Variants in IFFO2 observed in about 807,000 individuals in gnomAD.
The protein encoded by IFFO2 is intermediate filament family orphan 2.
In IFFO2, 19 loss-of-function variants were observed where a neutral mutation model predicts 53.5. The observed-to-expected ratio is 0.36, with a 90% CI of 0.25 to 0.52. The LOEUF is 0.52. Ranked by LOEUF, IFFO2 falls within the 20% of genes least tolerant of loss-of-function variation. The pLI is 0.94. For missense variants in IFFO2, 570 were observed against 727.4 expected, an observed-to-expected ratio of 0.78 and a Z score of 2.49; for synonymous variants, 303 against 313.6, an observed-to-expected ratio of 0.97 and a Z score of 0.36.
intron 1 of IFFO2, among the ~76,000 whole-genome samples, chr1:18,938,931 C>T (rs1219165939): frequency 6.6e-6 from 1 of 152,222 alleles, no homozygotes; most frequent in African/African-American, 2.4e-5. Flanking sequence ...CCCCAGGGGC[C>T]GGGACACCAG....
At position 18,917,532 on chromosome 1, in the gene IFFO2, G is replaced by C. The variant is rs1407618811; in HGVS notation, c.964-490C>G. 6.6e-6 allele frequency among the ~76,000 whole-genome samples: 1 copy of C among 152,196 alleles called. No individual in the cohort carries two copies. Among genetic ancestry groups the C allele is most frequent in the African/African-American group, 2.4e-5 (1 of 41,450 alleles). On this transcript the variant is annotated intron_variant, in intron 4 of 8. Transcript: ENST00000455833. The surrounding 1 kb of genome is among the most constrained non-coding windows in gnomAD (Gnocchi z 5.9). ...GCAGACAAGCCACGAGCAAACGAAG[G>C]CTGCGTTGGCCTCCCCTGCTTCCCG...
intron 7 of IFFO2, 37 bp from the exon 8 acceptor site, chr1:18,910,509 G>A (rs759525567): frequency 1.9e-6 from 3 of 1,584,408 alleles, no homozygotes; most frequent in Non-Finnish European, 2.6e-6. Flanking sequence ...GTGAGGGCAA[G>A]TCATCCTCGT....
chr1:18,938,988 C>T (rs1288888052), intron 1 of IFFO2, among the ~76,000 whole-genome samples: 1 of 152,218 alleles, frequency 6.6e-6, no homozygotes, highest in Non-Finnish European at 1.5e-5. Flanking sequence ...CCCTTCTTGC[C>T]CCAGCCACAG....
intron 1 of IFFO2, among the ~76,000 whole-genome samples, chr1:18,925,070 CCTT>C (rs988601772): frequency 4.6e-5 from 7 of 152,154 alleles, no homozygotes; most frequent in African/African-American, 1.7e-4. Context: ...ACTTCCAAAT[CCTT>C]CTCTTTTCTA....
In IFFO2 at chr1:18,947,992, G is replaced by A. The variant is rs539218360; in HGVS notation, c.665+7676C>T. The stretch of plus-strand genomic sequence containing the variant: ...GACCTTGGGGTCCAGAGACCCAGAC[G>A]GACTCGTGGCGAGATCTGGGACAGA... On this transcript the variant is annotated intron_variant, in intron 1 of 8. Coordinates refer to ENST00000455833, the MANE Select transcript of IFFO2 (RefSeq NM_001136265.2). The surrounding 1 kb of genome is among the most constrained non-coding windows in gnomAD (Gnocchi z 5.0). Among the ~76,000 whole-genome samples the A allele has an allele frequency of 4.6e-5, 7 of 152,266 alleles. No homozygotes were observed. The highest frequency in any genetic ancestry group is 7.4e-5 in the Non-Finnish European group (5 of 68,018).
chr1:18,952,329 C>T (rs1240922630), intron 1 of IFFO2, among the ~76,000 whole-genome samples: 1 of 152,154 alleles, frequency 6.6e-6, no homozygotes, highest in Non-Finnish European at 1.5e-5. Flanking sequence ...TGACTGGGGC[C>T]AGGACCCAGG....
chr1:18,946,704 A>G (rs1936593173), intron 1 of IFFO2, among the ~76,000 whole-genome samples: 1 of 150,824 alleles, frequency 6.6e-6, no homozygotes, highest in African/African-American at 2.4e-5. Context: ...GGCATGAGCT[A>G]CCGCACCGGG....
Position 18,956,072 on chromosome 1 carries a change from C to A in IFFO2, c.261G>T (p.Gln87His). 6.7e-7 allele frequency: 1 copy of A among 1,489,262 alleles called. No individual in the cohort carries two copies. The highest frequency in any genetic ancestry group is 9.0e-7 in the Non-Finnish European group (1 of 1,109,778). The allele number at this position is 1,489,262 out of a possible 1,614,324, so 92.3% of individuals were successfully genotyped here. Residue 87 changes from glutamine (Q) to histidine (H), a missense_variant, in exon 1 of 9, where the codon CAG becomes CAT. Coordinates refer to ENST00000455833, the MANE Select transcript of IFFO2 (RefSeq NM_001136265.2). This position sits in a 1 kb window ranked among gnomAD's most constrained non-coding sequence, Gnocchi z 6.4. ...RNRLLEKQLE[Q>H]QQSERERRLR... is the part of the protein sequence containing the mutation. ...GCCGCCGCTCGCGCTCGCTCTGCTG[C>A]TGCTCCAGCTGCTTCTCCAGCAGCC...
chr1:18,915,295 A>C (rs993750550), intron 5 of IFFO2, among the ~76,000 whole-genome samples: 1 of 152,304 alleles, frequency 6.6e-6, no homozygotes, highest in East Asian at 1.9e-4. Flanking sequence ...CTTTTGAAAC[A>C]AATGATGTCA....
intron 5 of IFFO2, among the ~76,000 whole-genome samples, chr1:18,915,981 C>G (rs762963215): frequency 6.6e-6 from 1 of 151,996 alleles, no homozygotes; most frequent in Non-Finnish European, 1.5e-5. Flanking sequence ...AAAAATTAGC[C>G]GGGCATCATG....
intron 1 of IFFO2, among the ~76,000 whole-genome samples, chr1:18,924,009 G>T (rs1936249346): frequency 6.6e-6 from 1 of 152,206 alleles, no homozygotes; most frequent in Non-Finnish European, 1.5e-5. Context: ...TATTTCCAAA[G>T]CCAGACGGGG....
intron 1 of IFFO2, among the ~76,000 whole-genome samples, chr1:18,931,298 C>G (rs1006080219): frequency 6.6e-6 from 1 of 152,174 alleles, no homozygotes; most frequent in East Asian, 1.9e-4. Context: ...GTGGGCACTC[C>G]CCCTACCCCT....
Position 18,956,283 on chromosome 1 carries a change from G to A in IFFO2, c.50C>T (p.Pro17Leu). 1.3e-6 allele frequency: 1 copy of A among 779,668 alleles called. No homozygotes were observed. Among genetic ancestry groups the A allele is most frequent in the Non-Finnish European group, 1.6e-6 (1 of 617,302 alleles). 48.3% of individuals were successfully genotyped at this position (779,668 alleles called of 1,614,324 possible). The change falls in exon 1 of 9, where the codon CCG becomes CTG. Residue 17 changes from proline (P) to leucine (L), a missense_variant. Physicochemically the swap from Pro to Leu is moderately conservative, Grantham distance 98. Coordinates refer to ENST00000455833, the MANE Select transcript of IFFO2 (RefSeq NM_001136265.2). The surrounding 1 kb of genome is among the most constrained non-coding windows in gnomAD (Gnocchi z 6.4). ...FGEMALAFGC[P>L]PGGGGGGCPG... ...GCAGCCCCCGCCGCCGCCGCCCGGCGGGCAGCCGAAGGCCAAGGCCATCTC... is the reference window on the plus strand; with the variant it reads ...GCAGCCCCCGCCGCCGCCGCCCGGCAGGCAGCCGAAGGCCAAGGCCATCTC...
At chr1:18,952,085 A>G (rs1569870101) in intron 1 of IFFO2, among the ~76,000 whole-genome samples, 1 of 152,236 alleles carries the variant, frequency 6.6e-6, no homozygotes, top group Non-Finnish European at 1.5e-5. Context: ...ATGCCAACTC[A>G]GGGAACTCTC....
intron 1 of IFFO2, among the ~76,000 whole-genome samples, chr1:18,940,592 G>A (rs1936507419): frequency 6.6e-6 from 1 of 151,868 alleles, no homozygotes; most frequent in African/African-American, 2.4e-5. Flanking sequence ...TGGATGGATG[G>A]ATGGATGGAT....
At chr1:18,943,715 C>T (rs539441942) in intron 1 of IFFO2, among the ~76,000 whole-genome samples, 16 of 152,240 alleles carry the variant, frequency 1.1e-4, no homozygotes, top group Non-Finnish European at 2.4e-4. Context: ...GAAGGCAGAT[C>T]AGTGTCAGCA....
rs1935986843 is a variant in IFFO2 at position 18,908,621 on chromosome 1, A to G, written c.1494T>C (p.Ser498=). ...PSSVASSDSG[S]TDEIQDEFER... is the part of the protein sequence containing the mutation. ...CGAACTCATCCTGGATCTCATCTGT[A>G]CTTCCTGAGTCGCTGCTGGCCACGG... The change falls in exon 9 of 9, where the codon AGT becomes AGC. Residue 498 remains serine (S), a synonymous_variant. Coordinates refer to ENST00000455833, the MANE Select transcript of IFFO2 (RefSeq NM_001136265.2). 2.6e-6 allele frequency: 4 copies of G among 1,551,538 alleles called. No individual in the cohort carries two copies. The highest frequency in any genetic ancestry group is 3.5e-6 in the Non-Finnish European group (4 of 1,146,952).
Position 18,918,481 on chromosome 1 carries a change from T to C in IFFO2, c.844A>G (p.Lys282Glu). Residue 282 changes from lysine to glutamate, a missense_variant, in exon 4 of 9, where the codon AAG (lysine) becomes GAG (glutamate). By Grantham distance (56) the Lys-to-Glu change is moderately conservative (BLOSUM62 1). Coordinates refer to ENST00000455833, the MANE Select transcript of IFFO2 (RefSeq NM_001136265.2). This position sits in a 1 kb window ranked among gnomAD's most constrained non-coding sequence, Gnocchi z 5.2. ...MSDPMTDLDT[K>E]IQEKAMKVDM... ...ACCTTCATGGCCTTTTCTTGGATCT[T>C]TGTGTCCAGGTCTGTCATGGGCTGC... 6.4e-7 allele frequency: 1 copy of C among 1,556,400 alleles called. No individual in the cohort carries two copies. Among genetic ancestry groups the C allele is most frequent in the Non-Finnish European group, 8.7e-7 (1 of 1,149,574 alleles).
rs969877538 is a variant in IFFO2 at position 18,953,046 on chromosome 1, CA to C, written c.665+2621del. On this transcript the variant is annotated intron_variant, in intron 1 of 8. Transcript: ENST00000455833. ...GAGCTGCAGCTTCCTCCAGGTGGAC[CA>C]GGGGAAACCCTGGAACCTTTCCCTT... is the stretch of plus-strand genomic sequence containing the variant. 2.2e-4 allele frequency among the ~76,000 whole-genome samples: 33 copies of C among 152,260 alleles called. 1 individual carries two copies. The highest frequency in any genetic ancestry group is 7.7e-4 in the African/African-American group (32 of 41,556).
Sources: gnomAD v4.1 joint callset for allele counts (sites outside exome capture counted in the v4.1 genomes callset) on GRCh38, gnomAD v4.1.1 for gene constraint, Gnocchi (gnomAD v3.1) non-coding constraint, MANE v1.5 for transcripts, NCBI Gene and HGNC (gene_info 2026-07-23, HGNC 2026-07-21) for gene names.